ATAD2B: variants seen among roughly 807,000 people sequenced by gnomAD.
ATAD2B encodes the protein ATPase family AAA domain-containing protein 2B.
Under a neutral mutation model 167.6 loss-of-function variants are expected in ATAD2B, and 40 were observed. The ratio of observed to expected loss-of-function variants is 0.24; its 90% CI spans 0.19 to 0.31. The LOEUF (loss-of-function observed/expected upper bound fraction) is 0.31. Among genes scored for constraint, ATAD2B ranks in the 10% least tolerant of loss-of-function variants. The probability of loss-of-function intolerance (pLI) is 1.00; values close to 1 mark genes in which losing one functional copy is unlikely to be tolerated. For missense variants in ATAD2B, 1,242 were observed against 1,757.2 expected, an observed-to-expected ratio of 0.71 and a Z score of 5.24; for synonymous variants, 579 against 596.5, an observed-to-expected ratio of 0.97 and a Z score of 0.43.
At chr2:23,763,596 G>GT (rs1026332532) in intron 23 of ATAD2B, among the ~76,000 whole-genome samples, 10 of 151,732 alleles carry the variant, frequency 6.6e-5, no homozygotes, top group South Asian at 2.1e-4. Flanking sequence ...ATGTTTTGGG[G>GT]TTTTTTTTGT....
At chr2:23,820,815 G>A (rs1179913174) in intron 16 of ATAD2B, among the ~76,000 whole-genome samples, 1 of 152,142 alleles carries the variant, frequency 6.6e-6, no homozygotes, top group East Asian at 1.9e-4. Flanking sequence ...GGGCGTGGTG[G>A]CAGGCGCCTC....
chr2:23,885,046 A>G (rs1368571087), intron 5 of ATAD2B, among the ~76,000 whole-genome samples, 173 bp from the exon 6 acceptor site: 1 of 152,232 alleles, frequency 6.6e-6, no homozygotes, highest in Non-Finnish European at 1.5e-5. Flanking sequence ...ATAAAAGGGA[A>G]AACACTTACA....
the ATAD2B span, among the ~76,000 whole-genome samples, chr2:23,700,966 C>T: frequency 6.6e-6 from 1 of 152,220 alleles, no homozygotes; most frequent in African/African-American, 2.4e-5. This position sits in a 1 kb window ranked among gnomAD's most constrained non-coding sequence, Gnocchi z 4.6. Context: ...CCAGCACACT[C>T]CTGAGCTTCC....
chr2:23,766,301 G>C (rs190842756), intron 22 of ATAD2B, among the ~76,000 whole-genome samples: 46 of 152,216 alleles, frequency 3.0e-4, no homozygotes, highest in African/African-American at 1.0e-3. Context: ...AATATAAACA[G>C]TGCCCCCTAG....
chr2:23,885,943 TTTTTC>T, intron 4 of ATAD2B, 114 bp from the exon 5 acceptor site: 2 of 631,514 alleles, frequency 3.2e-6, no homozygotes, highest in East Asian at 6.3e-5. Context: ...ACACAACTTT[TTTTTC>T]TTTTTTGTTT....
intron 1 of ATAD2B, among the ~76,000 whole-genome samples, chr2:23,901,468 C>T (rs565351334): frequency 8.4e-4 from 128 of 151,764 alleles, no homozygotes; most frequent in African/African-American, 3.0e-3. Flanking sequence ...ATTATTTCAA[C>T]TTAGCATTAT....
intron 13 of ATAD2B, among the ~76,000 whole-genome samples, chr2:23,840,459 T>C (rs1210118046): frequency 1.3e-5 from 2 of 152,218 alleles, no homozygotes; most frequent in Non-Finnish European, 2.9e-5. Flanking sequence ...ATCTTTGTTT[T>C]CCGTTCACAT....
At chr2:23,680,006 A>G in the ATAD2B span, among the ~76,000 whole-genome samples, 2 of 152,154 alleles carry the variant, frequency 1.3e-5, no homozygotes, top group African/African-American at 4.8e-5. This position sits in a 1 kb window ranked among gnomAD's most constrained non-coding sequence, Gnocchi z 4.1. Flanking sequence ...GGGAACGGGG[A>G]GACCTCCCAG....
At chr2:23,689,067 G>T in the ATAD2B span, 1 of 152,540 alleles carries the variant, frequency 6.6e-6, no homozygotes, top group African/African-American at 2.4e-5. Flanking sequence ...CTGTGTGGAT[G>T]AGAACCGTGT....
At chr2:23,776,521 G>C (rs1211798667) in intron 22 of ATAD2B, among the ~76,000 whole-genome samples, 1 of 152,180 alleles carries the variant, frequency 6.6e-6, no homozygotes, top group Non-Finnish European at 1.5e-5. Flanking sequence ...AATAAACGTT[G>C]AGTCAGTGAG....
chr2:23,680,512 G>A, the ATAD2B span, among the ~76,000 whole-genome samples: 4,197 of 152,306 alleles, frequency 0.028, 86 homozygotes, highest in South Asian at 0.086. This position sits in a 1 kb window ranked among gnomAD's most constrained non-coding sequence, Gnocchi z 4.1. Context: ...CTCTGGGGCC[G>A]ACCAACAGGG....
At chr2:23,730,169 C>T in the ATAD2B span, among the ~76,000 whole-genome samples, 2 of 151,978 alleles carry the variant, frequency 1.3e-5, no homozygotes, top group Non-Finnish European at 2.9e-5. Flanking sequence ...GATAACAAAA[C>T]AAACCAGAAT....
intron 12 of ATAD2B, among the ~76,000 whole-genome samples, chr2:23,860,146 A>C (rs926236478): frequency 2.0e-5 from 3 of 151,938 alleles, no homozygotes; most frequent in Non-Finnish European, 2.9e-5. Flanking sequence ...CCCTTCTGCT[A>C]TGGATGCTGT....
chr2:23,832,403 C>G (rs898418393), intron 14 of ATAD2B: 5 of 301,618 alleles, frequency 1.7e-5, no homozygotes, highest in Non-Finnish European at 2.7e-5. Flanking sequence ...ATGTGGAAAA[C>G]GATGTTCAAG....
chr2:23,693,017 G>A, the ATAD2B span, among the ~76,000 whole-genome samples: 1,591 of 152,196 alleles, frequency 0.01, 27 homozygotes, highest in African/African-American at 0.035. Flanking sequence ...TCCCAGTCTC[G>A]GTCCTTCTGC....
At chr2:23,737,412 C>T in the ATAD2B span, among the ~76,000 whole-genome samples, 1 of 152,202 alleles carries the variant, frequency 6.6e-6, no homozygotes, top group South Asian at 2.1e-4. Context: ...TCTGCAGCCA[C>T]CGCTGCTGAC....
At chr2:23,845,551 T>G (rs995461495) in intron 13 of ATAD2B, among the ~76,000 whole-genome samples, 1 of 150,598 alleles carries the variant, frequency 6.6e-6, no homozygotes, top group Non-Finnish European at 1.5e-5. Flanking sequence ...AGGAATTTAC[T>G]GTAAATGGGC....
intron 4 of ATAD2B, among the ~76,000 whole-genome samples, chr2:23,886,713 C>T (rs1053831699): frequency 6.6e-5 from 10 of 151,842 alleles, no homozygotes; most frequent in African/African-American, 2.2e-4. Flanking sequence ...AGGCGGATCA[C>T]GAGGTCAGGA....
rs33911389 is a variant in ATAD2B at position 23,822,917 on chromosome 2, C to CAAAAAAAAAAAA, written c.2131+329_2131+340dup. Reference sequence around the variant, plus strand: ...GGGCAACAAGAGCGAAACTCCATCTCAAAAAAAAAAAAAAAAAAAAAAAAG... The same window carrying CAAAAAAAAAAAA: ...GGGCAACAAGAGCGAAACTCCATCTCAAAAAAAAAAAAAAAAAAAAAAAAAAAAAAAAAAAAG... On this transcript the variant is annotated intron_variant, in intron 16 of 27. Transcript: ENST00000238789. Among the ~76,000 whole-genome samples, 2 of 66,314 alleles carry CAAAAAAAAAAAA rather than the reference C, an allele frequency of 3.0e-5. 1 individual carries two copies. The highest frequency in any genetic ancestry group is 5.2e-5 in the Non-Finnish European group (2 of 38,680). The allele number at this position is 66,314 out of a possible 152,430, so 43.5% of individuals were successfully genotyped here. A position where few individuals can be genotyped will look rare whatever the true frequency, so the allele number is the denominator to read the frequency against.
Sources: allele counts gnomAD v4.1 joint callset (sites outside exome capture counted in the v4.1 genomes callset), GRCh38; gene constraint gnomAD v4.1.1; non-coding constraint Gnocchi (gnomAD v3.1); transcripts MANE v1.5; gene names NCBI Gene and HGNC (gene_info 2026-07-23, HGNC 2026-07-21).